Variants in CMKLR1 observed in about 807,000 individuals in gnomAD.
The protein encoded by CMKLR1 is chemerin-like receptor 1.
In CMKLR1, 6 loss-of-function variants were observed where a neutral mutation model predicts 8.2. The ratio of observed to expected loss-of-function variants is 0.73; its 90% CI spans 0.40 to 1.44. The LOEUF is 1.44. Among genes scored for constraint, CMKLR1 ranks in the 40% most tolerant of loss-of-function variants. The pLI, the probability that CMKLR1 is intolerant of heterozygous loss-of-function variation, is 0.02. For synonymous variants in CMKLR1, 178 were observed against 181.2 expected (o/e 0.98, Z 0.14); for missense variants, 429 against 478.0 (o/e 0.90, Z 0.96).
intron 2 of CMKLR1, among the ~76,000 whole-genome samples, chr12:108,312,091 C>T (rs886937275): frequency 1.3e-5 from 2 of 152,206 alleles, no homozygotes; most frequent in African/African-American, 2.4e-5. Context: ...AGGCACCTAG[C>T]TGTGAGCTTG....
chr12:108,306,484 T>C (rs1200576398), intron 2 of CMKLR1, among the ~76,000 whole-genome samples: 1 of 151,592 alleles, frequency 6.6e-6, no homozygotes, highest in Non-Finnish European at 1.5e-5. Flanking sequence ...CACACATCTA[T>C]CAACAAGTTC....
chr12:108,327,731 G>T (rs1892013268), intron 2 of CMKLR1, among the ~76,000 whole-genome samples: 1 of 152,222 alleles, frequency 6.6e-6, no homozygotes, highest in South Asian at 2.1e-4. Context: ...CAGCAGCCCA[G>T]CCTGAACTCC....
intron 2 of CMKLR1, among the ~76,000 whole-genome samples, chr12:108,306,287 A>C (rs1891405985): frequency 6.6e-6 from 1 of 152,154 alleles, no homozygotes; most frequent in Non-Finnish European, 1.5e-5. Context: ...CCCTCAGTCT[A>C]GGAACAGTGA....
intron 2 of CMKLR1, among the ~76,000 whole-genome samples, chr12:108,309,633 A>G (rs918660522): frequency 6.6e-6 from 1 of 152,132 alleles, no homozygotes; most frequent in Non-Finnish European, 1.5e-5. Context: ...CTTCATGCAG[A>G]GAAAGTGGTT....
In CMKLR1 at chr12:108,292,217, C is replaced by G; in HGVS notation, c.746G>C (p.Arg249Pro). Residue 249 changes from arginine (R) to proline (P), a missense_variant, in exon 4 of 4, where the codon CGC becomes CCC. By Grantham distance (103) the Arg-to-Pro change is moderately radical. Transcript: ENST00000550402. ...CTTCTTGGTCTTGGCCAGGCGGTTG[C>G]GCTGCAGTTTGCACACGATGGTGAG... ...CYLTIVCKLQ[R>P]NRLAKTKKPF... 4 of 1,613,960 alleles carry G rather than the reference C, an allele frequency of 2.5e-6. No individual in the cohort carries two copies. Among genetic ancestry groups the G allele is most frequent in the Non-Finnish European group, 3.4e-6 (4 of 1,179,946 alleles).
At chr12:108,333,312 T>A (rs1039649912) in intron 1 of CMKLR1, among the ~76,000 whole-genome samples, 6 of 152,186 alleles carry the variant, frequency 3.9e-5, no homozygotes, top group Admixed American at 1.3e-4. Flanking sequence ...CCGCTGGTAC[T>A]TCCAACATTG....
chr12:108,297,954 C>T (rs984713400), intron 2 of CMKLR1, among the ~76,000 whole-genome samples: 1 of 152,204 alleles, frequency 6.6e-6, no homozygotes, highest in African/African-American at 2.4e-5. Flanking sequence ...AATGATGTTG[C>T]TCCCTGACTC....
intron 2 of CMKLR1, among the ~76,000 whole-genome samples, chr12:108,298,265 T>C (rs1227048885): frequency 6.6e-6 from 1 of 152,204 alleles, no homozygotes; most frequent in East Asian, 1.9e-4. Context: ...TAACTAATAA[T>C]TGATTGGGTG....
intron 2 of CMKLR1, among the ~76,000 whole-genome samples, chr12:108,299,996 G>A (rs1891227273): frequency 6.6e-6 from 1 of 152,202 alleles, no homozygotes; most frequent in African/African-American, 2.4e-5. Context: ...ATTATTGCTG[G>A]CATATGCATC....
intron 2 of CMKLR1, among the ~76,000 whole-genome samples, chr12:108,310,199 T>C (rs1891517029): frequency 8.5e-6 from 1 of 117,988 alleles, no homozygotes; most frequent in Non-Finnish European, 1.8e-5. Context: ...GTGTGTGTGT[T>C]AGGGGAGGGG....
intron 2 of CMKLR1, among the ~76,000 whole-genome samples, chr12:108,300,926 C>A (rs111528247): frequency 0.018 from 2,734 of 152,226 alleles, 81 homozygotes; most frequent in African/African-American, 0.058. Context: ...CACAATTATA[C>A]GCATTTTCAG....
intron 2 of CMKLR1, among the ~76,000 whole-genome samples, chr12:108,308,067 C>A (rs946925755): frequency 6.6e-6 from 1 of 152,194 alleles, no homozygotes; most frequent in African/African-American, 2.4e-5. Flanking sequence ...GGCTGGGCTT[C>A]CAGCTTCTCC....
At chr12:108,325,728 C>A (rs1319734011) in intron 2 of CMKLR1, among the ~76,000 whole-genome samples, 1 of 152,142 alleles carries the variant, frequency 6.6e-6, no homozygotes, top group Non-Finnish European at 1.5e-5. Flanking sequence ...ATTCCAGAAG[C>A]TTTGACCGTC....
chr12:108,295,228 C>G (rs999959225), intron 2 of CMKLR1, among the ~76,000 whole-genome samples: 1 of 152,208 alleles, frequency 6.6e-6, no homozygotes, highest in Non-Finnish European at 1.5e-5. Context: ...TCACTTTAAC[C>G]CCATAAGGGG....
At chr12:108,323,972 A>C (rs1257988620) in intron 2 of CMKLR1, among the ~76,000 whole-genome samples, 1 of 152,152 alleles carries the variant, frequency 6.6e-6, no homozygotes, top group Non-Finnish European at 1.5e-5. Context: ...AGCTCCAGAG[A>C]GACCAGGGGT....
At chr12:108,315,981 C>G (rs1891713542) in intron 2 of CMKLR1, among the ~76,000 whole-genome samples, 1 of 152,122 alleles carries the variant, frequency 6.6e-6, no homozygotes, top group South Asian at 2.1e-4. Context: ...GACGCAGGAC[C>G]AGCACTTGGA....
Position 108,288,957 on chromosome 12 carries a change from C to CCT in CMKLR1, c.*2883_*2884insAG. 9.2e-6 allele frequency: 1 copy of CCT among 108,944 alleles called. No individual in the cohort carries two copies. Among genetic ancestry groups the CCT allele is most frequent in the African/African-American group, 2.7e-5 (1 of 36,508 alleles). 6.7% of individuals were successfully genotyped at this position (108,944 alleles called of 1,614,324 possible). A position where few individuals can be genotyped will look rare whatever the true frequency, so the allele number is the denominator to read the frequency against. On this transcript the variant is annotated 3_prime_UTR_variant, in exon 4 of 4. Coordinates refer to ENST00000550402, the MANE Select transcript of CMKLR1 (RefSeq NM_001142343.2). ...GAAACAGAAACTCACTTTCTGCACC[C>CCT]CCCCCCCACCTTGCTATGATGGTCC...
intron 2 of CMKLR1, among the ~76,000 whole-genome samples, chr12:108,301,060 T>A (rs1335446547): frequency 6.9e-6 from 1 of 145,636 alleles, no homozygotes; most frequent in Non-Finnish European, 1.5e-5. Flanking sequence ...ACAATCAGCA[T>A]CCACCCAAGT....
intron 2 of CMKLR1, among the ~76,000 whole-genome samples, chr12:108,322,277 G>A (rs1891880071): frequency 6.6e-6 from 1 of 152,158 alleles, no homozygotes; most frequent in African/African-American, 2.4e-5. Context: ...CAGGGCTTGG[G>A]GAGGGAAGCT....
Sources: gnomAD v4.1 joint callset for allele counts (sites outside exome capture counted in the v4.1 genomes callset) on GRCh38, gnomAD v4.1.1 for gene constraint, MANE v1.5 for transcripts, NCBI Gene and HGNC (gene_info 2026-07-23, HGNC 2026-07-21) for gene names.